ZNF621: variants seen among roughly 807,000 people sequenced by gnomAD.
ZNF621 encodes zinc finger protein 621.
In ZNF621, 6 loss-of-function variants were observed where a neutral mutation model predicts 12.7. That is an observed-to-expected ratio of 0.47 (90% CI 0.26 to 0.93). The LOEUF (loss-of-function observed/expected upper bound fraction) is 0.93. ZNF621 is among the 40% of genes least tolerant of loss of function. The pLI is 0.15. For missense variants in ZNF621, 474 were observed against 524.0 expected (o/e 0.90, Z 0.93); for synonymous variants, 156 against 190.3 (o/e 0.82, Z 1.48).
At chr3:40,524,052 G>A (rs574535556), upstream of ZNF621, among the ~76,000 whole-genome samples, 5 of 152,192 alleles carry the variant, frequency 3.3e-5, no homozygotes, top group Non-Finnish European at 7.3e-5. Flanking sequence ...ACTTGTTAGT[G>A]ACTTGGGACT....
In ZNF621 at chr3:40,529,461, G is replaced by A. The variant is rs573166017; in HGVS notation, c.151+16G>A. ...GCTTCTCTGGGTAAGGCCTCCCTCT[G>A]TGGCCCTTTGTAACAGTTTGCTATC... is the stretch of plus-strand genomic sequence containing the variant. On this transcript the variant is annotated intron_variant, in intron 3 of 4. Coordinates refer to ENST00000339296, the MANE Select transcript of ZNF621 (RefSeq NM_198484.5). 3.7e-5 allele frequency: 59 copies of A among 1,612,004 alleles called. 1 individual carries two copies. In the South Asian group the frequency reaches 5.9e-4, roughly 16 times the overall value.
In ZNF621 at chr3:40,524,989, G is replaced by A. The variant is rs1038368409; in HGVS notation, c.-348G>A. 1.3e-5 allele frequency: 2 copies of A among 152,412 alleles called. No homozygotes were observed. Among genetic ancestry groups the A allele is most frequent in the East Asian group, 1.9e-4 (1 of 5,176 alleles). 9.4% of individuals were successfully genotyped at this position (152,412 alleles called of 1,614,324 possible). A position where few individuals can be genotyped will look rare whatever the true frequency, so the allele number is the denominator to read the frequency against. On this transcript the variant is annotated 5_prime_UTR_variant, in exon 1 of 5. Transcript: ENST00000339296. ...CGGCTCGGCCTTTAGTTAGTGACCA[G>A]CTCCTCGGCGTTCTGCAGAGCGTGG...
rs1698808299 is a variant in ZNF621 at position 40,534,268 on chromosome 3, A to T, written c.*1178A>T. 1.3e-5 allele frequency: 2 copies of T among 152,088 alleles called. No individual in the cohort carries two copies. Among genetic ancestry groups the T allele is most frequent in the Non-Finnish European group, 2.9e-5 (2 of 68,026 alleles). 9.4% of individuals were successfully genotyped at this position (152,088 alleles called of 1,614,324 possible). A position where few individuals can be genotyped will look rare whatever the true frequency, so the allele number is the denominator to read the frequency against. On this transcript the variant is annotated 3_prime_UTR_variant, in exon 5 of 5. Transcript: ENST00000339296. Reference sequence around the variant, plus strand: ...TCCAAAATTTTTTTTTTTAAGAAATAAAGGGAGCTGTGTAGTGGGTCAGTG... The same window carrying T: ...TCCAAAATTTTTTTTTTTAAGAAATTAAGGGAGCTGTGTAGTGGGTCAGTG...
At chr3:40,527,505 T>C (rs558272549) in intron 2 of ZNF621, among the ~76,000 whole-genome samples, 2 of 152,190 alleles carry the variant, frequency 1.3e-5, no homozygotes, top group Non-Finnish European at 2.9e-5. Flanking sequence ...CTTATTTTTG[T>C]ATTTTTAGTA....
At chr3:40,529,052 G>A (rs1698655370) in intron 2 of ZNF621, among the ~76,000 whole-genome samples, 1 of 152,154 alleles carries the variant, frequency 6.6e-6, no homozygotes, top group Admixed American at 6.5e-5. Flanking sequence ...TGTAATCTCA[G>A]CCTGGGTGCC....
Position 40,533,257 on chromosome 3 carries a change from C to T in ZNF621, c.*167C>T. 1 of 1,131,766 alleles carries T rather than the reference C, an allele frequency of 8.8e-7. No individual in the cohort carries two copies. Among genetic ancestry groups the T allele is most frequent in the Non-Finnish European group, 1.2e-6 (1 of 827,274 alleles). The allele number at this position is 1,131,766 out of a possible 1,614,324, so 70.1% of individuals were successfully genotyped here. A position where few individuals can be genotyped will look rare whatever the true frequency, so the allele number is the denominator to read the frequency against. On this transcript the variant is annotated 3_prime_UTR_variant, in exon 5 of 5. Transcript: ENST00000339296. The stretch of plus-strand genomic sequence containing the variant: ...CTGGGTTCAAGCGATTCTCCTCCTT[C>T]AGACTCTCGAATAGCTGGGATTACA...
In ZNF621 at chr3:40,525,847, C is replaced by A. The variant is rs1698568082; in HGVS notation, c.7C>A (p.Gln3Lys). 2 of 1,613,900 alleles carry A rather than the reference C, an allele frequency of 1.2e-6. No individual in the cohort carries two copies. Among genetic ancestry groups the A allele is most frequent in the African/African-American group, 2.7e-5 (2 of 74,898 alleles). ...AAGCCAGGGGACATCCGCCATGCTCCAAACAACTTGGCCTCAGGTGAGCTG... is the reference window on the plus strand; with the variant it reads ...AAGCCAGGGGACATCCGCCATGCTCAAAACAACTTGGCCTCAGGTGAGCTG... ML[Q>K]TTWPQESVTF... The change falls in exon 2 of 5, where the codon CAA (glutamine) becomes AAA (lysine). Residue 3 changes from glutamine (Q) to lysine (K), a missense_variant. Transcript: ENST00000339296.
intron 4 of ZNF621, 116 bp downstream of exon 4, chr3:40,530,432 C>A: frequency 1.2e-6 from 1 of 807,236 alleles, no homozygotes. Context: ...AGTCGATACT[C>A]ACTGTACTCT....
chr3:40,533,206 T>C lies in ZNF621; in HGVS notation c.*116T>C. 1.4e-6 allele frequency: 2 copies of C among 1,440,516 alleles called. No individual in the cohort carries two copies. Among genetic ancestry groups the C allele is most frequent in the East Asian group, 5.0e-5 (2 of 40,170 alleles). The allele number at this position is 1,440,516 out of a possible 1,614,324, so 89.2% of individuals were successfully genotyped here. A position where few individuals can be genotyped will look rare whatever the true frequency, so the allele number is the denominator to read the frequency against. Reference sequence around the variant, plus strand: ...CCCAGGCTAGAGTGCGGTGGTGTGATCTTGGCTCACTGCAACCTCCCCCTC... The same window carrying C: ...CCCAGGCTAGAGTGCGGTGGTGTGACCTTGGCTCACTGCAACCTCCCCCTC... On this transcript the variant is annotated 3_prime_UTR_variant, in exon 5 of 5. Transcript: ENST00000339296.
chr3:40,524,265 A>G (rs1173689513), upstream of ZNF621, among the ~76,000 whole-genome samples: 1 of 152,220 alleles, frequency 6.6e-6, no homozygotes, highest in African/African-American at 2.4e-5. Context: ...CCAGTTACTG[A>G]GCAGAAAAAT....
At chr3:40,526,933 G>A (rs562308759) in intron 2 of ZNF621, among the ~76,000 whole-genome samples, 7 of 152,228 alleles carry the variant, frequency 4.6e-5, no homozygotes, top group East Asian at 1.9e-4. Flanking sequence ...TCGGCTCACC[G>A]CAACCTCCAC....
intron 4 of ZNF621, among the ~76,000 whole-genome samples, chr3:40,531,305 C>A (rs2125675553): frequency 6.6e-6 from 1 of 152,326 alleles, no homozygotes; most frequent in South Asian, 2.1e-4. Context: ...CTTCTCTATT[C>A]TTCCCAGTCT....
At position 40,532,141 on chromosome 3, in the gene ZNF621, AC is replaced by A; in HGVS notation, c.372del (p.Phe125LeufsTer8). 3 of 1,614,210 alleles carry A rather than the reference AC, an allele frequency of 1.9e-6. No homozygotes were observed. The highest frequency in any genetic ancestry group is 2.5e-6 in the Non-Finnish European group (3 of 1,180,034). On this transcript the variant is annotated frameshift_variant, in exon 5 of 5. Coordinates refer to ENST00000339296, the MANE Select transcript of ZNF621 (RefSeq NM_198484.5). LOFTEE classifies it low-confidence loss of function (END_TRUNC). ...VGGLLRNVSQ[H>X]FDFKRKALKQ... Reference sequence around the variant, plus strand: ...GGACTTCTCAGGAACGTTTCTCAGCACTTTGATTTTAAAAGGAAGGCACTGA... The same window carrying A: ...GGACTTCTCAGGAACGTTTCTCAGCATTTGATTTTAAAAGGAAGGCACTGA...
At position 40,532,705 on chromosome 3, in the gene ZNF621, T is replaced by C. The variant is rs1196639699; in HGVS notation, c.935T>C (p.Val312Ala). 6 of 1,613,908 alleles carry C rather than the reference T, an allele frequency of 3.7e-6. No individual in the cohort carries two copies. Among genetic ancestry groups the C allele is most frequent in the Non-Finnish European group, 5.1e-6 (6 of 1,180,006 alleles). The change falls in exon 5 of 5, where the codon GTT becomes GCT. Residue 312 changes from valine (V) to alanine (A), a missense_variant. Val to Ala is a moderately conservative substitution (Grantham distance 64). Coordinates refer to ENST00000339296, the MANE Select transcript of ZNF621 (RefSeq NM_198484.5). ...ATAGCCTCCATTCAGCATCAGAGAGTTCACACTGGGGAGAAGCCTTATGAA... is the reference window on the plus strand; with the variant it reads ...ATAGCCTCCATTCAGCATCAGAGAGCTCACACTGGGGAGAAGCCTTATGAA... ...QKIASIQHQR[V>A]HTGEKPYECK...
At chr3:40,530,522 C>T (rs370292032) in intron 4 of ZNF621, among the ~76,000 whole-genome samples, 1 of 152,226 alleles carries the variant, frequency 6.6e-6, no homozygotes, top group Non-Finnish European at 1.5e-5. Flanking sequence ...TCTGCACATT[C>T]ATGTGGCTAT....
chr3:40,531,308 C>T (rs1424626274), intron 4 of ZNF621, among the ~76,000 whole-genome samples: 2 of 152,144 alleles, frequency 1.3e-5, no homozygotes, highest in Non-Finnish European at 2.9e-5. Flanking sequence ...CTCTATTCTT[C>T]CCAGTCTCTC....
At chr3:40,523,800 A>AACAAAAAC (rs1553659366), upstream of ZNF621, among the ~76,000 whole-genome samples, 9 of 147,722 alleles carry the variant, frequency 6.1e-5, no homozygotes, top group African/African-American at 1.8e-4. Context: ...AGCAAAAAAA[A>AACAAAAAC]AAAAAACAAA....
Position 40,538,302 on chromosome 3 carries a change from C to A in ZNF621, c.*5212C>A. ...CCAAGGCAGGTGGATCAGTTGAGGT[C>A]AGGAGTTTGAGACCAGCCTGACCAA... On this transcript the variant is annotated 3_prime_UTR_variant, in exon 5 of 5. Transcript: ENST00000339296. The A allele has an allele frequency of 2.8e-6, 1 of 358,510 alleles. No homozygotes were observed. The allele number at this position is 358,510 out of a possible 1,614,324, so 22.2% of individuals were successfully genotyped here. A position where few individuals can be genotyped will look rare whatever the true frequency, so the allele number is the denominator to read the frequency against.
At chr3:40,524,287 C>T (rs1054913329), upstream of ZNF621, among the ~76,000 whole-genome samples, 1 of 152,112 alleles carries the variant, frequency 6.6e-6, no homozygotes, top group Non-Finnish European at 1.5e-5. Context: ...GCTGTAACTA[C>T]GAGTTTTTGT....
Sources: allele counts gnomAD v4.1 joint callset (sites outside exome capture counted in the v4.1 genomes callset), GRCh38; gene constraint gnomAD v4.1.1; transcripts MANE v1.5; gene names NCBI Gene and HGNC (gene_info 2026-07-23, HGNC 2026-07-21).